Variants in CDIN1 observed in about 807,000 individuals in gnomAD.
CDIN1 encodes the protein CDAN1 interacting nuclease 1.
A neutral mutation model predicts 45.3 loss-of-function variants in CDIN1; 33 were observed. The ratio of observed to expected loss-of-function variants is 0.73; its 90% CI spans 0.55 to 0.97. CDIN1 has a LOEUF of 0.97. CDIN1 is among the 50% of genes least tolerant of loss of function. CDIN1 has a pLI of 0.00. For synonymous variants in CDIN1, 118 were observed against 124.4 expected, an observed-to-expected ratio of 0.95 and a Z score of 0.34; for missense variants, 303 against 339.4, an observed-to-expected ratio of 0.89 and a Z score of 0.84.
At chr15:36,700,511 A>G (rs2042591994) in intron 8 of CDIN1, among the ~76,000 whole-genome samples, 1 of 152,052 alleles carries the variant, frequency 6.6e-6, no homozygotes, top group Non-Finnish European at 1.5e-5. Context: ...CTGCTGCCTC[A>G]TGAGCTGCTT....
At chr15:36,711,707 C>T (rs1235652892) in intron 10 of CDIN1, among the ~76,000 whole-genome samples, 1 of 152,036 alleles carries the variant, frequency 6.6e-6, no homozygotes. Flanking sequence ...ATGTGTGATA[C>T]GGGAATGTTA....
At chr15:36,784,062 C>T (rs887667175) in intron 10 of CDIN1, among the ~76,000 whole-genome samples, 1 of 152,116 alleles carries the variant, frequency 6.6e-6, no homozygotes, top group Non-Finnish European at 1.5e-5. Flanking sequence ...TAAGCATGCA[C>T]ATCCTTAATA....
chr15:36,606,104 G>A (rs1334694025), intron 1 of CDIN1, among the ~76,000 whole-genome samples: 2 of 151,824 alleles, frequency 1.3e-5, no homozygotes, highest in Non-Finnish European at 2.9e-5. Flanking sequence ...TCTCTCTGCT[G>A]ATCTGAAGTC....
intron 8 of CDIN1, among the ~76,000 whole-genome samples, chr15:36,701,479 C>T (rs1348951121): frequency 6.6e-6 from 1 of 152,006 alleles, no homozygotes; most frequent in Non-Finnish European, 1.5e-5. Flanking sequence ...AATGCAAAGA[C>T]AACAAGACAG....
intron 8 of CDIN1, among the ~76,000 whole-genome samples, chr15:36,702,609 T>G (rs2042684519): frequency 6.6e-6 from 1 of 152,156 alleles, no homozygotes; most frequent in African/African-American, 2.4e-5. Flanking sequence ...TGGTTGTAAG[T>G]GGCAGAAATC....
intron 1 of CDIN1, among the ~76,000 whole-genome samples, chr15:36,598,819 G>T (rs1566822104): frequency 1.3e-5 from 2 of 150,836 alleles, no homozygotes; most frequent in South Asian, 2.1e-4. Flanking sequence ...TTTTTTGTTT[G>T]TTTGTTTGTT....
chr15:36,682,592 G>A (rs1261925848), intron 5 of CDIN1, among the ~76,000 whole-genome samples: 8 of 142,704 alleles, frequency 5.6e-5, no homozygotes, highest in Admixed American at 3.5e-4. Flanking sequence ...GGAGAATCCT[G>A]TCTCTACAAA....
At chr15:36,636,324 G>A (rs1228214569) in intron 1 of CDIN1, among the ~76,000 whole-genome samples, 1 of 152,122 alleles carries the variant, frequency 6.6e-6, no homozygotes, top group African/African-American at 2.4e-5. Context: ...AGGCCAAGGT[G>A]GGAGGATCAT....
chr15:36,599,310 T>G (rs1403771530), intron 1 of CDIN1, among the ~76,000 whole-genome samples: 1 of 152,214 alleles, frequency 6.6e-6, no homozygotes, highest in African/African-American at 2.4e-5. Flanking sequence ...AAGTAAAATA[T>G]AACACAGACA....
chr15:36,748,236 T>C (rs1033938473), intron 10 of CDIN1, among the ~76,000 whole-genome samples: 1 of 152,244 alleles, frequency 6.6e-6, no homozygotes, highest in Non-Finnish European at 1.5e-5. Flanking sequence ...AACAGGTAAC[T>C]AGAAGTACTT....
intron 8 of CDIN1, chr15:36,702,186 G>A: frequency 1.4e-6 from 1 of 700,032 alleles, no homozygotes; most frequent in South Asian, 1.5e-5. Flanking sequence ...TTAAATTCTT[G>A]TCTATCCGAA....
chr15:36,587,456 G>A (rs2037358798), intron 1 of CDIN1, among the ~76,000 whole-genome samples: 1 of 152,044 alleles, frequency 6.6e-6, no homozygotes, highest in Non-Finnish European at 1.5e-5. Flanking sequence ...GCTGTGTACA[G>A]TGTTGAACTT....
At chr15:36,681,586 A>G (rs1191773419) in intron 5 of CDIN1, among the ~76,000 whole-genome samples, 1 of 152,190 alleles carries the variant, frequency 6.6e-6, no homozygotes, top group Non-Finnish European at 1.5e-5. Context: ...CGAAATACAA[A>G]TAGCCACATC....
chr15:36,694,306 T>G (rs1355921301), intron 7 of CDIN1, among the ~76,000 whole-genome samples: 1 of 152,200 alleles, frequency 6.6e-6, no homozygotes, highest in Non-Finnish European at 1.5e-5. Flanking sequence ...TCACACTGAA[T>G]AAAAATTATT....
At chr15:36,614,054 A>G (rs2038773269) in intron 1 of CDIN1, 9 of 1,076,038 alleles carry the variant, frequency 8.4e-6, no homozygotes, top group Non-Finnish European at 1.3e-5. Flanking sequence ...CTACTGATAA[A>G]CTCAAGGAGA....
intron 4 of CDIN1, among the ~76,000 whole-genome samples, chr15:36,655,982 T>G (rs1280473601): frequency 6.6e-6 from 1 of 152,220 alleles, no homozygotes; most frequent in African/African-American, 2.4e-5. Context: ...ATAAACCTTT[T>G]ATTTACCATG....
At chr15:36,771,556 C>T (rs898842279) in intron 10 of CDIN1, among the ~76,000 whole-genome samples, 2 of 152,158 alleles carry the variant, frequency 1.3e-5, no homozygotes, top group Non-Finnish European at 2.9e-5. Context: ...CTTTCAACCA[C>T]GCTTCAAGTT....
intron 5 of CDIN1, among the ~76,000 whole-genome samples, chr15:36,665,647 T>C (rs117410365): frequency 3.7e-3 from 559 of 150,944 alleles, no homozygotes; most frequent in Non-Finnish European, 6.1e-3. Flanking sequence ...GAATCAAGGA[T>C]TGATGACCTA....
At chr15:36,741,918 A>G (rs1173978915) in intron 10 of CDIN1, among the ~76,000 whole-genome samples, 1 of 152,164 alleles carries the variant, frequency 6.6e-6, no homozygotes, top group East Asian at 1.9e-4. Context: ...AACACTAGGA[A>G]AGAACTTTGT....
Sources: gnomAD v4.1 joint callset for allele counts (sites outside exome capture counted in the v4.1 genomes callset) on GRCh38, gnomAD v4.1.1 for gene constraint, MANE v1.5 for transcripts, NCBI Gene and HGNC (gene_info 2026-07-23, HGNC 2026-07-21) for gene names.